ARFGEF1: variants seen among roughly 807,000 people sequenced by gnomAD.
ARFGEF1 encodes the protein ARF guanine nucleotide exchange factor 1.
ARFGEF1 carries 42 observed loss-of-function variants against 231.0 expected under a neutral mutation model. The observed-to-expected ratio is 0.18, with a 90% CI of 0.14 to 0.24. ARFGEF1 has a LOEUF of 0.24. Ranked by LOEUF, ARFGEF1 falls within the 10% of genes least tolerant of loss-of-function variation. ARFGEF1 has a pLI of 1.00. For missense variants in ARFGEF1, 1,345 were observed against 2,192.0 expected, an observed-to-expected ratio of 0.61 and a Z score of 7.72; for synonymous variants, 710 against 732.3, an observed-to-expected ratio of 0.97 and a Z score of 0.49.
intron 10 of ARFGEF1, among the ~76,000 whole-genome samples, chr8:67,270,191 G>C (rs1049483859): frequency 6.6e-6 from 1 of 152,156 alleles, no homozygotes; most frequent in Non-Finnish European, 1.5e-5. Flanking sequence ...TAAACGCCTT[G>C]TATTATCTTA....
intron 1 of ARFGEF1, among the ~76,000 whole-genome samples, chr8:67,311,117 G>T (rs1271569095): frequency 6.8e-6 from 1 of 147,236 alleles, no homozygotes; most frequent in Non-Finnish European, 1.5e-5. Context: ...AGGTGGGGGG[G>T]TCAGCCCCGC....
chr8:67,196,498 C>G (rs1029491277), downstream of ARFGEF1, among the ~76,000 whole-genome samples: 2 of 152,226 alleles, frequency 1.3e-5, no homozygotes, highest in African/African-American at 4.8e-5. Context: ...AGAACCATGA[C>G]AGCTGAGAAC....
At chr8:67,273,734 G>A (rs1004404510) in intron 9 of ARFGEF1, among the ~76,000 whole-genome samples, 1 of 151,904 alleles carries the variant, frequency 6.6e-6, no homozygotes, top group Non-Finnish European at 1.5e-5. Context: ...GCAGCAAATA[G>A]ATAATTACCA....
intron 1 of ARFGEF1, 63 bp downstream of exon 1, chr8:67,343,101 A>AC: frequency 1.6e-5 from 2 of 123,502 alleles, no homozygotes; most frequent in South Asian, 2.6e-4. Context: ...CCACCCCCCC[A>AC]CAGGCGCCCC....
At chr8:67,320,926 A>G (rs1412548197) in intron 1 of ARFGEF1, among the ~76,000 whole-genome samples, 1 of 152,200 alleles carries the variant, frequency 6.6e-6, no homozygotes, top group African/African-American at 2.4e-5. Flanking sequence ...ACCGCACTTC[A>G]GCCTGGGCAA....
At chr8:67,185,976 A>C (rs1220987459) in intron 5 of ARFGEF1, among the ~76,000 whole-genome samples, 1 of 152,218 alleles carries the variant, frequency 6.6e-6, no homozygotes, top group Non-Finnish European at 1.5e-5. Flanking sequence ...GCAAAAATGC[A>C]AGCAAGTATA....
At chr8:67,273,015 G>A (rs992117059) in intron 9 of ARFGEF1, among the ~76,000 whole-genome samples, 2 of 152,016 alleles carry the variant, frequency 1.3e-5, no homozygotes, top group Admixed American at 6.6e-5. Context: ...GCTGAGGCAG[G>A]AGAATCACTT....
intron 19 of ARFGEF1, among the ~76,000 whole-genome samples, chr8:67,244,242 C>CAAAAAAAAAAAAAA (rs34333039): frequency 2.0e-4 from 4 of 20,096 alleles, no homozygotes; most frequent in African/African-American, 5.8e-4. Flanking sequence ...GACTCCACCT[C>CAAAAAAAAAAAAAA]AAAAAAAAAA....
At chr8:67,205,242 C>T (rs947023128) in intron 34 of ARFGEF1, among the ~76,000 whole-genome samples, 1 of 152,188 alleles carries the variant, frequency 6.6e-6, no homozygotes, top group Non-Finnish European at 1.5e-5. Flanking sequence ...TAGTAGGCAG[C>T]TCCCTTTGGG....
rs964958912 is a variant in ARFGEF1, at chr8:67,321,162, T to C, written c.125-18696A>G. Among the ~76,000 whole-genome samples the C allele has an allele frequency of 2.2e-4, 14 of 62,374 alleles. No individual in the cohort carries two copies. In the South Asian group the frequency reaches 3.2e-3, roughly 14 times the overall value. The allele number at this position is 62,374 out of a possible 152,430, so 40.9% of individuals were successfully genotyped here. ...GTGAGAAATGGTGTGACTATAAGTA[T>C]GGGGGGGGGTTTGGGGGTGCTAAAA... is the stretch of plus-strand genomic sequence containing the variant. On this transcript the variant is annotated intron_variant, in intron 1 of 38. Coordinates refer to ENST00000262215, the MANE Select transcript of ARFGEF1 (RefSeq NM_006421.5).
chr8:67,308,162 G>A (rs1171763447), intron 1 of ARFGEF1, among the ~76,000 whole-genome samples: 1 of 152,184 alleles, frequency 6.6e-6, no homozygotes, highest in Admixed American at 6.5e-5. Flanking sequence ...AGTCATTTCA[G>A]TTTGCCCAGC....
At chr8:67,288,876 T>C (rs1337994164) in intron 6 of ARFGEF1, among the ~76,000 whole-genome samples, 1 of 151,824 alleles carries the variant, frequency 6.6e-6, no homozygotes, top group Non-Finnish European at 1.5e-5. Flanking sequence ...TTCACCAACA[T>C]AATCTACATA....
intron 19 of ARFGEF1, among the ~76,000 whole-genome samples, chr8:67,241,097 T>C (rs1403905539): frequency 3.3e-5 from 5 of 152,140 alleles, no homozygotes; most frequent in Admixed American, 3.3e-4. Flanking sequence ...GAAATTACAA[T>C]CGAATTTCTA....
chr8:67,209,173 A>G (rs1030645094), intron 34 of ARFGEF1, among the ~76,000 whole-genome samples: 2 of 152,282 alleles, frequency 1.3e-5, no homozygotes, highest in Non-Finnish European at 2.9e-5. Context: ...TGACAACTAC[A>G]GGTGAAACAA....
At chr8:67,287,500 T>C (rs1226576100) in intron 7 of ARFGEF1, among the ~76,000 whole-genome samples, 1 of 152,220 alleles carries the variant, frequency 6.6e-6, no homozygotes, top group Non-Finnish European at 1.5e-5. Context: ...TGCTGGGTCC[T>C]GTGACGGCTT....
rs1377883199 is a variant in ARFGEF1, at chr8:67,313,960, G to A, written c.125-11494C>T. On this transcript the variant is annotated intron_variant, in intron 1 of 38. Transcript: ENST00000262215. The stretch of plus-strand genomic sequence containing the variant: ...TTGCTGTGGCTGCTGTGGGGGACAG[G>A]AGTGAGATTCCCAGGTCACTGGAGT... 2.0e-5 allele frequency among the ~76,000 whole-genome samples: 3 copies of A among 152,222 alleles called. No homozygotes were observed. In the South Asian group the frequency reaches 6.2e-4, roughly 32 times the overall value.
intron 5 of ARFGEF1, among the ~76,000 whole-genome samples, chr8:67,184,678 C>T (rs544065817): frequency 7.3e-5 from 11 of 151,474 alleles, no homozygotes; most frequent in South Asian, 2.1e-4. Context: ...GAGCTGAAAT[C>T]GTGCCACTGC....
chr8:67,232,559 T>C (rs535231278), intron 23 of ARFGEF1, among the ~76,000 whole-genome samples: 1 of 152,140 alleles, frequency 6.6e-6, no homozygotes, highest in East Asian at 1.9e-4. Flanking sequence ...GGAATAAGTT[T>C]TCTACGAGAA....
In ARFGEF1 at chr8:67,275,958, A is replaced by G. The variant is rs372448857; in HGVS notation, c.1337+18T>C. 133 of 1,612,430 alleles carry G rather than the reference A, an allele frequency of 8.2e-5. No individual in the cohort carries two copies. In the Middle Eastern group the frequency reaches 9.9e-4, roughly 12 times the overall value. On this transcript the variant is annotated intron_variant, in intron 9 of 38. Transcript: ENST00000262215. ...CCTAAAAACCTCTATTTGTCAGGCA[A>G]AACAGTTAATAACTTACTTTGGATC...
Sources: gnomAD v4.1 joint callset for allele counts (sites outside exome capture counted in the v4.1 genomes callset) on GRCh38, gnomAD v4.1.1 for gene constraint, MANE v1.5 for transcripts, NCBI Gene and HGNC (gene_info 2026-07-23, HGNC 2026-07-21) for gene names.